APC: variants seen among roughly 807,000 people sequenced by gnomAD.
APC encodes adenomatous polyposis coli protein.
Under a neutral mutation model 247.0 loss-of-function variants are expected in APC, and 72 were observed. The ratio of observed to expected loss-of-function variants is 0.29; its 90% CI spans 0.24 to 0.35. The LOEUF (loss-of-function observed/expected upper bound fraction) is 0.35, where lower values mean the gene tolerates loss of function less well. APC is among the 10% of genes least tolerant of loss of function. The pLI is 1.00. For missense variants in APC, 3,400 were observed against 3,360.7 expected, an observed-to-expected ratio of 1.01 and a Z score of -0.29; for synonymous variants, 1,254 against 1,162.5, an observed-to-expected ratio of 1.08 and a Z score of -1.60.
chr5:112,734,791 GT>G (rs895559429), upstream of APC, among the ~76,000 whole-genome samples: 5 of 114,310 alleles, frequency 4.4e-5, no homozygotes, highest in African/African-American at 1.3e-4. Flanking sequence ...GTGTGTGTGT[GT>G]GTTTTTTTTT....
chr5:112,774,318 G>C (rs772599291), intron 4 of APC, among the ~76,000 whole-genome samples: 3 of 152,096 alleles, frequency 2.0e-5, no homozygotes, highest in Non-Finnish European at 4.4e-5. Flanking sequence ...GATGCTCAAA[G>C]GAAATGCTAA....
intron 1 of APC, among the ~76,000 whole-genome samples, chr5:112,730,140 T>C (rs1297463252): frequency 3.3e-5 from 5 of 152,234 alleles, no homozygotes; most frequent in Admixed American, 1.3e-4. Flanking sequence ...GGTGGATTCA[T>C]TGTAGATTCT....
rs1766290814 is a variant in APC at position 112,842,337 on chromosome 5, A to G, written c.6743A>G (p.Lys2248Arg). ...NSSSSTSPVS[K>R]KGPPLKTPAS... ...TCCTCAAGTACAAGTCCTGTTTCTA[A>G]AAAAGGCCCACCCCTTAAGACTCCA... The change falls in exon 16 of 16, where the codon AAA (lysine) becomes AGA (arginine). Residue 2248 changes from lysine (K) to arginine (R), a missense_variant. Physicochemically the swap from Lys to Arg is conservative, Grantham distance 26. Transcript: ENST00000257430. 1 of 1,613,954 alleles carries G rather than the reference A, an allele frequency of 6.2e-7. No individual in the cohort carries two copies. Among genetic ancestry groups the G allele is most frequent in the Non-Finnish European group, 8.5e-7 (1 of 1,179,886 alleles).
intron 6 of APC, among the ~76,000 whole-genome samples, chr5:112,786,402 G>A (rs1173980408): frequency 6.6e-6 from 1 of 152,110 alleles, no homozygotes; most frequent in African/African-American, 2.4e-5. Flanking sequence ...TAGTCTCCAG[G>A]TACCTCTTAA....
At chr5:112,771,224 G>A (rs1044619004) in intron 4 of APC, among the ~76,000 whole-genome samples, 7 of 151,940 alleles carry the variant, frequency 4.6e-5, no homozygotes, top group African/African-American at 7.3e-5. Context: ...CTTTGTTTTT[G>A]TCTCAAGTTT....
intron 7 of APC, among the ~76,000 whole-genome samples, chr5:112,800,760 CTT>C (rs1760732208): frequency 6.6e-6 from 1 of 151,726 alleles, no homozygotes; most frequent in African/African-American, 2.4e-5. Flanking sequence ...TTAGAAAAGG[CTT>C]TGGGTTTTAT....
In APC at chr5:112,845,410, G is replaced by A. The variant is rs1393875102; in HGVS notation, c.*1284G>A. 2.1e-5 allele frequency: 5 copies of A among 232,916 alleles called. No homozygotes were observed. Among genetic ancestry groups the A allele is most frequent in the East Asian group, 1.2e-4 (2 of 16,492 alleles). The allele number at this position is 232,916 out of a possible 1,614,324, so 14.4% of individuals were successfully genotyped here. ...GATTCTTAGACATTGCAGTCTCTTC[G>A]AGGCTTTACAGTGTAAACTGTCTTG... On this transcript the variant is annotated 3_prime_UTR_variant, in exon 16 of 16. Transcript: ENST00000257430.
rs760103966 is a variant in APC at position 112,844,104 on chromosome 5, C to T, written c.8510C>T (p.Ser2837Phe). The T allele has an allele frequency of 6.2e-7, 1 of 1,613,098 alleles. No individual in the cohort carries two copies. The highest frequency in any genetic ancestry group is 1.1e-5 in the South Asian group (1 of 90,858). ...CAAAGTCCTAAGCGCCATTCTGGGT[C>T]TTACCTTGTGACATCTGTTTAAAAG... Reference protein sequence around the residue: ...GTQSPKRHSGSYLVTSV With the variant: ...GTQSPKRHSGFYLVTSV The change falls in exon 16 of 16, where the codon TCT (serine) becomes TTT (phenylalanine). Residue 2837 changes from serine to phenylalanine, a missense_variant. This residue lies in a region of APC where 1,788 missense variants were observed against 1,649.5 expected (regional missense o/e 1.08). Coordinates refer to ENST00000257430, the MANE Select transcript of APC (RefSeq NM_000038.6).
At chr5:112,744,513 G>T (rs1179050034) in intron 1 of APC, among the ~76,000 whole-genome samples, 2 of 152,192 alleles carry the variant, frequency 1.3e-5, no homozygotes, top group Non-Finnish European at 2.9e-5. Context: ...GGAATAATTT[G>T]AGAAGTTAGG....
intron 1 of APC, among the ~76,000 whole-genome samples, chr5:112,713,170 CAAAA>C (rs10625710): frequency 9.3e-6 from 1 of 107,888 alleles, no homozygotes; most frequent in South Asian, 2.9e-4. Flanking sequence ...GACTCCATAG[CAAAA>C]AAAAAAAAAA....
chr5:112,815,354 T>C (rs991521762), intron 8 of APC, 141 bp from the exon 9 acceptor site: 1 of 593,754 alleles, frequency 1.7e-6, no homozygotes, highest in Non-Finnish European at 3.0e-6. Context: ...AAAAATATTT[T>C]GAACAGTTAT....
intron 1 of APC, among the ~76,000 whole-genome samples, chr5:112,719,243 A>T (rs1751347740): frequency 6.6e-6 from 1 of 152,054 alleles, no homozygotes; most frequent in Non-Finnish European, 1.5e-5. Context: ...CTTTGGACAG[A>T]GTCTTGCTCT....
At chr5:112,823,413 AGGG>A (rs1763335386) in intron 11 of APC, 1 of 152,698 alleles carries the variant, frequency 6.5e-6, no homozygotes, top group Non-Finnish European at 1.5e-5. Flanking sequence ...ACATAGCCAC[AGGG>A]GATTACCTTC....
chr5:112,742,602 G>C (rs144451376), intron 1 of APC, among the ~76,000 whole-genome samples: 2 of 152,168 alleles, frequency 1.3e-5, no homozygotes, highest in East Asian at 3.9e-4. Context: ...ATTGGCAAGA[G>C]ACCTCAGTTC....
chr5:112,746,534 G>T (rs912911362), intron 1 of APC, among the ~76,000 whole-genome samples: 4 of 152,148 alleles, frequency 2.6e-5, no homozygotes, highest in Non-Finnish European at 5.9e-5. Context: ...TTTATTTCAG[G>T]AATGGAGGAT....
intron 6 of APC, among the ~76,000 whole-genome samples, chr5:112,789,754 T>C (rs1759363491): frequency 6.6e-6 from 1 of 152,216 alleles, no homozygotes; most frequent in South Asian, 2.1e-4. Context: ...AAATGATCAC[T>C]CATCTTTGCA....
In APC at chr5:112,707,544, C is replaced by G; in HGVS notation, c.-174C>G. The stretch of plus-strand genomic sequence containing the variant: ...CCACAAGATGGCGGAGGGCAAGTAG[C>G]AAGGGGGCGGGGTGTGGCCGCCGGA... On this transcript the variant is annotated 5_prime_UTR_variant, in exon 1 of 14. Transcript: ENST00000507379. 1.9e-6 allele frequency: 1 copy of G among 537,800 alleles called. No individual in the cohort carries two copies. The allele number at this position is 537,800 out of a possible 1,614,324, so 33.3% of individuals were successfully genotyped here.
At chr5:112,726,326 A>G (rs183536606) in intron 1 of APC, among the ~76,000 whole-genome samples, 3 of 152,158 alleles carry the variant, frequency 2.0e-5, no homozygotes, top group African/African-American at 7.2e-5. Flanking sequence ...GGTGGCTCTC[A>G]GTGAGATGGA....
At chr5:112,837,145 C>T (rs1240576510) in intron 15 of APC, among the ~76,000 whole-genome samples, 1 of 152,198 alleles carries the variant, frequency 6.6e-6, no homozygotes, top group Non-Finnish European at 1.5e-5. Flanking sequence ...CTACCTCTTC[C>T]AAGATAACTC....
Sources: allele counts gnomAD v4.1 joint callset (sites outside exome capture counted in the v4.1 genomes callset), GRCh38; gene constraint gnomAD v4.1.1; regional missense constraint gnomAD v4.1.1; transcripts MANE v1.5; gene names NCBI Gene and HGNC (gene_info 2026-07-23, HGNC 2026-07-21).